The following RASGRF1 variants were observed in gnomAD, a reference collection of about 807,000 sequenced individuals.
RASGRF1 encodes Ras protein specific guanine nucleotide releasing factor 1, also known as ras-specific guanine nucleotide-releasing factor 1.
Under a neutral mutation model 138.7 loss-of-function variants are expected in RASGRF1, and 40 were observed. The ratio of observed to expected loss-of-function variants is 0.29; its 90% CI spans 0.22 to 0.38. The LOEUF (loss-of-function observed/expected upper bound fraction) is 0.38. Ranked by LOEUF, RASGRF1 falls within the 10% of genes least tolerant of loss-of-function variation. The probability of loss-of-function intolerance (pLI) is 1.00; values close to 1 mark genes in which losing one functional copy is unlikely to be tolerated. For synonymous variants in RASGRF1, 614 were observed against 663.2 expected (o/e 0.93, Z 1.14); for missense variants, 1,108 against 1,650.4 (o/e 0.67, Z 5.69).
chr15:79,032,106 G>A lies in RASGRF1; in HGVS notation c.1152+17C>T. 1.9e-6 allele frequency: 3 copies of A among 1,610,400 alleles called. No individual in the cohort carries two copies. Among genetic ancestry groups the A allele is most frequent in the Non-Finnish European group, 2.5e-6 (3 of 1,177,962 alleles). ...GCCTCCCTGACTCTACCCCACCCAGGCAGGGCCGGACGCCACCTGGAACAT... is the reference window on the plus strand; with the variant it reads ...GCCTCCCTGACTCTACCCCACCCAGACAGGGCCGGACGCCACCTGGAACAT... On this transcript the variant is annotated intron_variant, in intron 7 of 26. Transcript: ENST00000558480. The surrounding 1 kb of genome is among the most constrained non-coding windows in gnomAD (Gnocchi z 4.5).
intron 17 of RASGRF1, among the ~76,000 whole-genome samples, chr15:78,999,535 T>A (rs1214493175): frequency 6.6e-6 from 1 of 151,976 alleles, no homozygotes; most frequent in Non-Finnish European, 1.5e-5. Flanking sequence ...AAATAATGAT[T>A]CAGGAAGCTT....
At position 78,973,658 on chromosome 15, in the gene RASGRF1, C is replaced by T. The variant is rs77279085; in HGVS notation, c.3495-238G>A. On this transcript the variant is annotated intron_variant, in intron 24 of 26. Transcript: ENST00000558480. The surrounding 1 kb of genome is among the most constrained non-coding windows in gnomAD (Gnocchi z 4.9). ...TGGTGCTGACTGGGGCCTCTTACAC[C>T]CACTGGGGCATCTCAGATTGTCTCT... Among the ~76,000 whole-genome samples, 1,019 of 152,146 alleles carry T rather than the reference C, an allele frequency of 6.7e-3. 15 individuals carry two copies. Among genetic ancestry groups the T allele is most frequent in the African/African-American group, 0.024 (981 of 41,494 alleles).
chr15:78,966,226 T>G (rs2055641405), intron 26 of RASGRF1, among the ~76,000 whole-genome samples: 1 of 1,150 alleles, frequency 8.7e-4, no homozygotes, highest in Non-Finnish European at 4.1e-3. Context: ...AGGACTTAAA[T>G]TTTTTTTTTT....
intron 1 of RASGRF1, among the ~76,000 whole-genome samples, chr15:79,082,284 G>T (rs1402685749): frequency 6.6e-6 from 1 of 152,148 alleles, no homozygotes; most frequent in Non-Finnish European, 1.5e-5. Context: ...AATAAAGCCA[G>T]GTGGCTCACC....
chr15:78,970,190 G>A (rs1454788187), intron 26 of RASGRF1, among the ~76,000 whole-genome samples: 1 of 152,126 alleles, frequency 6.6e-6, no homozygotes, highest in Non-Finnish European at 1.5e-5. Flanking sequence ...CACACTAGGA[G>A]GTTAAGATGC....
chr15:79,017,623 T>C, intron 12 of RASGRF1, 147 bp downstream of exon 12: 1 of 1,076,408 alleles, frequency 9.3e-7, no homozygotes, highest in Non-Finnish European at 1.3e-6. Flanking sequence ...TGGGTAGGGC[T>C]GTGGACTTGG....
intron 12 of RASGRF1, among the ~76,000 whole-genome samples, chr15:79,017,535 T>C (rs777021259): frequency 6.6e-6 from 1 of 152,126 alleles, no homozygotes; most frequent in Non-Finnish European, 1.5e-5. Context: ...GTGATACAGA[T>C]GCAAGAGGGG....
intron 3 of RASGRF1, among the ~76,000 whole-genome samples, chr15:79,053,803 G>C (rs2141039522): frequency 6.6e-6 from 1 of 152,352 alleles, no homozygotes; most frequent in Admixed American, 6.5e-5. Context: ...CAGAGCCCCA[G>C]GCTTACAAGG....
chr15:79,068,579 TATAC>T (rs1020851505), intron 1 of RASGRF1, among the ~76,000 whole-genome samples: 6 of 148,644 alleles, frequency 4.0e-5, no homozygotes, highest in African/African-American at 1.5e-4. Context: ...ATCATATATA[TATAC>T]ATACATATAT....
chr15:79,035,235 C>T (rs755225084), intron 5 of RASGRF1, 25 bp from the exon 6 acceptor site: 2 of 1,590,866 alleles, frequency 1.3e-6, no homozygotes, highest in Admixed American at 1.7e-5. Context: ...ACAGGGTCAG[C>T]TCTGCCCCAG....
At position 78,962,253 on chromosome 15, in the gene RASGRF1, G is replaced by T. The variant is rs2055560608; in HGVS notation, c.3682-17C>A. On this transcript the variant is annotated splice_polypyrimidine_tract_variant and intron_variant, in intron 26 of 26. Coordinates refer to ENST00000558480, the MANE Select transcript of RASGRF1 (RefSeq NM_001145648.3). Reference sequence around the variant, plus strand: ...TTGCGTTACCTGAGAAAAGAAAAGAGAAAAGGGAATGGGAGGGTTGTGGGA... The same window carrying T: ...TTGCGTTACCTGAGAAAAGAAAAGATAAAAGGGAATGGGAGGGTTGTGGGA... The T allele has an allele frequency of 6.7e-6, 10 of 1,491,516 alleles. No homozygotes were observed. In the South Asian group the frequency reaches 9.6e-5, roughly 14 times the overall value. The allele number at this position is 1,491,516 out of a possible 1,614,324, so 92.4% of individuals were successfully genotyped here.
chr15:78,971,958 A>C, intron 25 of RASGRF1, 24 bp from the exon 26 acceptor site: 2 of 1,550,222 alleles, frequency 1.3e-6, no homozygotes, highest in Non-Finnish European at 1.8e-6. Flanking sequence ...GGAGTGTTTC[A>C]GAATGCAGTT....
chr15:79,004,217 C>T (rs1362600207), intron 14 of RASGRF1, 42 bp from the exon 15 acceptor site: 1 of 1,516,852 alleles, frequency 6.6e-7, no homozygotes, highest in Admixed American at 2.0e-5. Flanking sequence ...TAGCGTAGGC[C>T]TGCCTGCCCG....
rs1465980419 is a variant in RASGRF1, at chr15:79,032,646, G to A, written c.959-330C>T. On this transcript the variant is annotated intron_variant, in intron 6 of 26. Transcript: ENST00000558480. The surrounding 1 kb of genome is among the most constrained non-coding windows in gnomAD (Gnocchi z 4.5). The stretch of plus-strand genomic sequence containing the variant: ...ACCTGGATCCCCCCAGCTGCCAGGA[G>A]TGCTGGTGGCCGATGGCTGTCAGCT... Among the ~76,000 whole-genome samples the A allele has an allele frequency of 6.6e-6, 1 of 152,190 alleles. No homozygotes were observed. Among genetic ancestry groups the A allele is most frequent in the Non-Finnish European group, 1.5e-5 (1 of 68,024 alleles).
chr15:79,004,469 C>T (rs962785956), intron 14 of RASGRF1, among the ~76,000 whole-genome samples: 5 of 152,156 alleles, frequency 3.3e-5, no homozygotes, highest in South Asian at 2.1e-4. Flanking sequence ...TAAGGGTCCC[C>T]TGAGCTGCGG....
At chr15:79,001,567 A>G (rs1227799536) in intron 16 of RASGRF1, 95 bp downstream of exon 16, 3 of 1,440,508 alleles carry the variant, frequency 2.1e-6, no homozygotes, top group East Asian at 2.5e-5. Flanking sequence ...CTCATAAAGC[A>G]TAAGGGATGA....
chr15:79,012,656 G>T, intron 13 of RASGRF1: 2 of 1,374,820 alleles, frequency 1.5e-6, no homozygotes, highest in Admixed American at 2.2e-5. Context: ...TTTCATAGGT[G>T]ATTTTAATTT....
At position 79,010,114 on chromosome 15, in the gene RASGRF1, T is replaced by A. The variant is rs182663426; in HGVS notation, c.1827-3680A>T. On this transcript the variant is annotated intron_variant, in intron 13 of 26. Coordinates refer to ENST00000558480, the MANE Select transcript of RASGRF1 (RefSeq NM_001145648.3). ...AGGGCAGTGGCGCAATGTCGGCTCA[T>A]GGCAACCTCCACCTCGGGCTCAAGC... is the stretch of plus-strand genomic sequence containing the variant. Among the ~76,000 whole-genome samples, 3 of 149,964 alleles carry A rather than the reference T, an allele frequency of 2.0e-5. No individual in the cohort carries two copies. The East Asian group carries it at 5.9e-4, about 30-fold the overall frequency.
chr15:78,984,142 A>G (rs780869596), intron 23 of RASGRF1, among the ~76,000 whole-genome samples: 54 of 152,168 alleles, frequency 3.5e-4, no homozygotes, highest in Non-Finnish European at 1.8e-4. Context: ...GCAAGTCCAG[A>G]GTGGTCCAGA....
Sources: allele counts gnomAD v4.1 joint callset (sites outside exome capture counted in the v4.1 genomes callset), GRCh38; gene constraint gnomAD v4.1.1; non-coding constraint Gnocchi (gnomAD v3.1); transcripts MANE v1.5; gene names NCBI Gene and HGNC (gene_info 2026-07-23, HGNC 2026-07-21).